The following CEP55 variants were observed in gnomAD, a reference collection of about 807,000 sequenced individuals.
The protein encoded by CEP55 is centrosomal protein of 55 kDa.
CEP55 carries 57 observed loss-of-function variants against 63.2 expected under a neutral mutation model. The observed-to-expected ratio is 0.90, with a 90% CI of 0.73 to 1.13. The LOEUF (loss-of-function observed/expected upper bound fraction) is 1.13, where lower values mean the gene tolerates loss of function less well. CEP55 is among the 50% of genes most tolerant of loss of function. CEP55 has a pLI of 0.00. For synonymous variants in CEP55, 178 were observed against 191.6 expected, an observed-to-expected ratio of 0.93 and a Z score of 0.59; for missense variants, 456 against 518.9, an observed-to-expected ratio of 0.88 and a Z score of 1.18.
chr10:93,502,196 C>A (rs573093357), intron 2 of CEP55, among the ~76,000 whole-genome samples: 1 of 152,136 alleles, frequency 6.6e-6, no homozygotes, highest in African/African-American at 2.4e-5. Flanking sequence ...AACACAGTAT[C>A]CTAAATATGT....
intron 1 of CEP55, among the ~76,000 whole-genome samples, chr10:93,498,247 A>G (rs960611060): frequency 7.2e-5 from 11 of 152,168 alleles, no homozygotes; most frequent in African/African-American, 2.2e-4. Flanking sequence ...GCCAGAGGCT[A>G]GAAACTAGTA....
chr10:93,514,972 C>A (rs2057789020), intron 4 of CEP55, among the ~76,000 whole-genome samples: 1 of 152,126 alleles, frequency 6.6e-6, no homozygotes, highest in Non-Finnish European at 1.5e-5. Flanking sequence ...AGGGTTTCAC[C>A]ATGTTGGCCA....
At chr10:93,527,448 C>T (rs974519471) in intron 8 of CEP55, among the ~76,000 whole-genome samples, 1 of 152,170 alleles carries the variant, frequency 6.6e-6, no homozygotes, top group Admixed American at 6.6e-5. Flanking sequence ...TGGATAATTA[C>T]AGTAGTTATC....
At chr10:93,520,442 A>G (rs1369316213) in intron 8 of CEP55, among the ~76,000 whole-genome samples, 5 of 147,318 alleles carry the variant, frequency 3.4e-5, no homozygotes, top group African/African-American at 1.2e-4. Flanking sequence ...AAAAAAAAAA[A>G]GAAAAAGAAA....
At chr10:93,525,362 A>G (rs1284373976) in intron 8 of CEP55, among the ~76,000 whole-genome samples, 2 of 152,250 alleles carry the variant, frequency 1.3e-5, no homozygotes, top group Admixed American at 6.5e-5. Flanking sequence ...TAAAATACCT[A>G]GAAATCCAAC....
chr10:93,527,135 C>T (rs1260727451), intron 8 of CEP55, among the ~76,000 whole-genome samples: 1 of 151,868 alleles, frequency 6.6e-6, no homozygotes, highest in Non-Finnish European at 1.5e-5. Context: ...TGCTATCCAC[C>T]CTCTTCACTG....
chr10:93,502,127 A>G (rs1315531279), intron 2 of CEP55, among the ~76,000 whole-genome samples: 1 of 150,818 alleles, frequency 6.6e-6, no homozygotes, highest in African/African-American at 2.4e-5. Context: ...CTGGCTTCTT[A>G]TCATCTTGAA....
At chr10:93,516,085 C>T (rs1054307692) in intron 5 of CEP55, among the ~76,000 whole-genome samples, 1 of 152,074 alleles carries the variant, frequency 6.6e-6, no homozygotes, top group African/African-American at 2.4e-5. Context: ...AGAGGCGGGG[C>T]AGGAAAGGTC....
In CEP55 at chr10:93,515,516, CATTCA is replaced by C; in HGVS notation, c.641_645del (p.His214ProfsTer9). 6.2e-7 allele frequency: 1 copy of C among 1,613,942 alleles called. No homozygotes were observed. Among genetic ancestry groups the C allele is most frequent in the South Asian group, 1.1e-5 (1 of 91,066 alleles). ...GGAAAAGAAAACGGAAACAGCTGCT[CATTCA>C]CTCCCACAGCAGACAAAAAAGCCTG... On this transcript the variant is annotated frameshift_variant, in exon 5 of 9. Transcript: ENST00000371485. LOFTEE classifies it high-confidence loss of function.
intron 4 of CEP55, among the ~76,000 whole-genome samples, chr10:93,509,737 C>T (rs1345324559): frequency 6.6e-6 from 1 of 152,178 alleles, no homozygotes; most frequent in African/African-American, 2.4e-5. Flanking sequence ...CCACCTGCCT[C>T]AGCCTCCCAA....
At chr10:93,506,070 G>A (rs759923074) in intron 3 of CEP55, among the ~76,000 whole-genome samples, 32 of 151,306 alleles carry the variant, frequency 2.1e-4, no homozygotes, top group Non-Finnish European at 4.1e-4. Context: ...TCAGCCCCCC[G>A]ACTAGCTGGG....
At chr10:93,500,282 A>G (rs780699194) in intron 2 of CEP55, 48 bp downstream of exon 2, 19 of 1,442,920 alleles carry the variant, frequency 1.3e-5, no homozygotes, top group Non-Finnish European at 1.6e-5. Flanking sequence ...CAAGAAAGCG[A>G]TGCATGAAGA....
intron 4 of CEP55, among the ~76,000 whole-genome samples, chr10:93,512,111 C>T (rs1439959730): frequency 6.6e-6 from 1 of 151,152 alleles, no homozygotes; most frequent in Non-Finnish European, 1.5e-5. Flanking sequence ...CCTGTAATCC[C>T]AGCTACTCGG....
chr10:93,515,526 C>A lies in CEP55; in HGVS notation c.650C>A (p.Pro217Gln). 1 of 1,613,418 alleles carries A rather than the reference C, an allele frequency of 6.2e-7. No individual in the cohort carries two copies. The highest frequency in any genetic ancestry group is 1.1e-5 in the South Asian group (1 of 91,056). The change falls in exon 5 of 9, where the codon CCA (proline) becomes CAA (glutamine). Residue 217 changes from proline to glutamine, a missense_variant. Transcript: ENST00000371485. The stretch of plus-strand genomic sequence containing the variant: ...ACGGAAACAGCTGCTCATTCACTCC[C>A]ACAGCAGACAAAAAAGCCTGAATCA... ...KKTETAAHSL[P>Q]QQTKKPESEG...
intron 8 of CEP55, among the ~76,000 whole-genome samples, chr10:93,524,395 G>A (rs1241757016): frequency 6.6e-6 from 1 of 152,094 alleles, no homozygotes; most frequent in African/African-American, 2.4e-5. Flanking sequence ...CCAGGAAGAA[G>A]TTGAATCTCT....
At chr10:93,498,251 A>G (rs1480943278) in intron 1 of CEP55, among the ~76,000 whole-genome samples, 1 of 152,176 alleles carries the variant, frequency 6.6e-6, no homozygotes, top group East Asian at 1.9e-4. Context: ...GAGGCTAGAA[A>G]CTAGTAGTCA....
intron 1 of CEP55, among the ~76,000 whole-genome samples, chr10:93,497,982 C>A (rs921376769): frequency 6.6e-6 from 1 of 151,868 alleles, no homozygotes; most frequent in Non-Finnish European, 1.5e-5. Flanking sequence ...ATTAGCCAGG[C>A]GTGGTGACGC....
At chr10:93,519,438 C>A (rs1293451707) in intron 7 of CEP55, among the ~76,000 whole-genome samples, 1 of 152,230 alleles carries the variant, frequency 6.6e-6, no homozygotes, top group Non-Finnish European at 1.5e-5. Context: ...TAATTCTAAT[C>A]AACAACTTCT....
rs976398844 is a variant in CEP55, at chr10:93,496,781, G to A, written c.-155G>A. ...CCGGTCCGGACCGCCAGGGAGGGCA[G>A]GTCAGTGGGCAGATCGCGTCCGCGG... On this transcript the variant is annotated 5_prime_UTR_variant, in exon 1 of 9. Transcript: ENST00000371485. 2.0e-5 allele frequency: 3 copies of A among 152,278 alleles called. No individual in the cohort carries two copies. Among genetic ancestry groups the A allele is most frequent in the African/African-American group, 2.4e-5 (1 of 41,472 alleles). The allele number at this position is 152,278 out of a possible 1,614,324, so 9.4% of individuals were successfully genotyped here. A position where few individuals can be genotyped will look rare whatever the true frequency, so the allele number is the denominator to read the frequency against.
Sources: allele counts gnomAD v4.1 joint callset (sites outside exome capture counted in the v4.1 genomes callset), GRCh38; gene constraint gnomAD v4.1.1; transcripts MANE v1.5; gene names NCBI Gene and HGNC (gene_info 2026-07-23, HGNC 2026-07-21).